Variants in PTPRD observed in about 807,000 individuals in gnomAD.
The protein encoded by PTPRD is receptor-type tyrosine-protein phosphatase delta.
In PTPRD, 34 loss-of-function variants were observed where a neutral mutation model predicts 214.5. That is an observed-to-expected ratio of 0.16 (90% confidence interval 0.12 to 0.21). The LOEUF is 0.21. PTPRD is among the 10% of genes least tolerant of loss of function. The pLI, the probability that PTPRD is intolerant of heterozygous loss-of-function variation, is 1.00. For missense variants in PTPRD, 2,545 were observed against 2,398.7 expected (o/e 1.06, Z -1.27); for synonymous variants, 1,128 against 845.7 (o/e 1.33, Z -5.79).
chr9:8,614,467 T>G (rs534746179), intron 14 of PTPRD, among the ~76,000 whole-genome samples: 1 of 152,176 alleles, frequency 6.6e-6, no homozygotes, highest in Non-Finnish European at 1.5e-5. Context: ...CACAGATTAA[T>G]GCTGAATGTT....
intron 3 of PTPRD, among the ~76,000 whole-genome samples, chr9:10,140,677 G>T (rs1244684660): frequency 1.3e-5 from 2 of 151,998 alleles, no homozygotes; most frequent in Non-Finnish European, 2.9e-5. Context: ...GTACAAGGAG[G>T]AACTGGTACC....
chr9:8,834,613 C>A (rs72704308), intron 11 of PTPRD, among the ~76,000 whole-genome samples: 21,925 of 152,112 alleles, frequency 0.14, 1,705 homozygotes, highest in East Asian at 0.24. Flanking sequence ...AAAGCATTAT[C>A]TCATTTAATG....
chr9:10,424,313 T>TTCTCTCTCTC lies in PTPRD; in HGVS notation c.-599-83306_-599-83297dup, dbSNP rs35994999. The stretch of plus-strand genomic sequence containing the variant: ...TAAAGCTTGATAATATGGTTTCCTT[T>TTCTCTCTCTC]TCTCTCTCTCTCTCTCTCTCTCTCT... On this transcript the variant is annotated intron_variant, in intron 2 of 45. Transcript: ENST00000381196. Among the ~76,000 whole-genome samples, 168 of 145,586 alleles carry TTCTCTCTCTC rather than the reference T, an allele frequency of 1.2e-3. 1 individual carries two copies. Among genetic ancestry groups the TTCTCTCTCTC allele is most frequent in the African/African-American group, 4.0e-3 (161 of 40,144 alleles).
intron 3 of PTPRD, among the ~76,000 whole-genome samples, chr9:10,154,467 T>A (rs1255969864): frequency 6.6e-6 from 1 of 152,188 alleles, no homozygotes; most frequent in Non-Finnish European, 1.5e-5. Flanking sequence ...TTTAGTTTAA[T>A]TAGCTCTCAT....
intron 9 of PTPRD, among the ~76,000 whole-genome samples, chr9:9,319,449 C>A (rs1965255578): frequency 6.6e-6 from 1 of 152,144 alleles, no homozygotes; most frequent in Admixed American, 6.6e-5. Context: ...TGAAAACACA[C>A]AGATGTGGAG....
chr9:9,012,408 T>C (rs1165769412), intron 11 of PTPRD, among the ~76,000 whole-genome samples: 2 of 152,196 alleles, frequency 1.3e-5, no homozygotes, highest in African/African-American at 4.8e-5. Context: ...ACGTACTTAG[T>C]TAATAAACAT....
chr9:9,815,497 AG>A (rs776916312), intron 5 of PTPRD, among the ~76,000 whole-genome samples: 99 of 152,204 alleles, frequency 6.5e-4, no homozygotes, highest in Non-Finnish European at 1.2e-3. Flanking sequence ...AGTCAACAAA[AG>A]CAAAAATAAA....
intron 10 of PTPRD, among the ~76,000 whole-genome samples, chr9:9,103,653 C>T (rs1277303024): frequency 6.6e-6 from 1 of 151,944 alleles, no homozygotes; most frequent in Non-Finnish European, 1.5e-5. Flanking sequence ...GAACTTTCTC[C>T]AATTTTTGCA....
intron 8 of PTPRD, among the ~76,000 whole-genome samples, chr9:9,496,644 T>G (rs1253810712): frequency 2.6e-5 from 4 of 152,146 alleles, no homozygotes; most frequent in Non-Finnish European, 5.9e-5. Flanking sequence ...CCTTCTGCAA[T>G]GTTGGTGGGA....
At chr9:9,274,054 C>G (rs1157465480) in intron 9 of PTPRD, among the ~76,000 whole-genome samples, 1 of 151,092 alleles carries the variant, frequency 6.6e-6, no homozygotes, top group Non-Finnish European at 1.5e-5. Flanking sequence ...ATGAACAGGT[C>G]TTGCACTTCT....
intron 8 of PTPRD, among the ~76,000 whole-genome samples, chr9:9,519,993 G>A (rs953699049): frequency 2.0e-5 from 3 of 152,008 alleles, no homozygotes; most frequent in Non-Finnish European, 4.4e-5. Context: ...TACAGAGCCT[G>A]AAAATAGGCC....
chr9:10,571,318 A>T (rs962157549), intron 2 of PTPRD, among the ~76,000 whole-genome samples: 2 of 152,214 alleles, frequency 1.3e-5, no homozygotes, highest in African/African-American at 4.8e-5. Flanking sequence ...CAGCCCTCTG[A>T]CATTTACATT....
chr9:9,331,185 C>A (rs984466395), intron 9 of PTPRD, among the ~76,000 whole-genome samples: 1 of 152,026 alleles, frequency 6.6e-6, no homozygotes. Context: ...GTTCTCTTCT[C>A]TCCAAAACCA....
intron 44 of PTPRD, 68 bp from the exon 45 acceptor site, chr9:8,320,034 G>A (rs2130734151): frequency 3.8e-6 from 6 of 1,565,458 alleles, no homozygotes; most frequent in Non-Finnish European, 5.2e-6. Context: ...TTGCTTGGGT[G>A]TGGACATACT....
At chr9:9,112,501 G>A (rs748258186) in intron 10 of PTPRD, among the ~76,000 whole-genome samples, 9 of 152,116 alleles carry the variant, frequency 5.9e-5, no homozygotes, top group Admixed American at 1.3e-4. Context: ...CACTGGCCTT[G>A]AGAAAATTCT....
intron 35 of PTPRD, among the ~76,000 whole-genome samples, chr9:8,412,621 G>A (rs904887276): frequency 6.6e-6 from 1 of 152,098 alleles, no homozygotes; most frequent in African/African-American, 2.4e-5. Context: ...GCCTTCTCTT[G>A]CCTCTACCCT....
At chr9:9,627,385 A>G (rs2154356898) in intron 7 of PTPRD, among the ~76,000 whole-genome samples, 1 of 152,320 alleles carries the variant, frequency 6.6e-6, no homozygotes, top group East Asian at 1.9e-4. Flanking sequence ...ATTTGTGTGT[A>G]TTCGTTTGTC....
intron 9 of PTPRD, among the ~76,000 whole-genome samples, chr9:9,371,889 G>A (rs2059607353): frequency 6.6e-6 from 1 of 152,128 alleles, no homozygotes; most frequent in Non-Finnish European, 1.5e-5. Context: ...TCTTTCAGGA[G>A]CAGGTTGTTC....
At chr9:9,631,068 T>A (rs983882331) in intron 7 of PTPRD, among the ~76,000 whole-genome samples, 1 of 152,026 alleles carries the variant, frequency 6.6e-6, no homozygotes, top group African/African-American at 2.4e-5. Context: ...AAAGACTGTA[T>A]AAAATATGAA....
Sources: gnomAD v4.1 joint callset for allele counts (sites outside exome capture counted in the v4.1 genomes callset) on GRCh38, gnomAD v4.1.1 for gene constraint, MANE v1.5 for transcripts, NCBI Gene and HGNC (gene_info 2026-07-23, HGNC 2026-07-21) for gene names.